NEXMIF: variants seen among roughly 807,000 people sequenced by gnomAD.
NEXMIF encodes the protein neurite extension and migration factor, also known as XLMR protein related to neurite extension.
In NEXMIF, 8 loss-of-function variants were observed where a neutral mutation model predicts 62.1. The observed-to-expected ratio is 0.13, with a 90% CI of 0.08 to 0.23. NEXMIF has a LOEUF of 0.23. NEXMIF is among the 10% of genes least tolerant of loss of function. The pLI is 1.00. For missense variants in NEXMIF, 976 were observed against 1,113.3 expected (o/e 0.88, Z 1.75); for synonymous variants, 404 against 416.6 (o/e 0.97, Z 0.37).
At chrX:74,828,447 C>A (rs1260077102) in intron 1 of NEXMIF, among the ~76,000 whole-genome samples, 1 of 111,484 alleles carries the variant, frequency 9.0e-6, no homozygotes, top group Non-Finnish European at 1.9e-5. Context: ...ATATAATTAA[C>A]CATAAAATTG....
chrX:74,763,301 C>T (rs747784136), intron 1 of NEXMIF, among the ~76,000 whole-genome samples: 3 of 111,138 alleles, frequency 2.7e-5, no homozygotes, highest in Admixed American at 9.6e-5. Context: ...ATTTCTGAGG[C>T]CTCTGTTCTG....
At chrX:74,858,628 A>G (rs201521382) in intron 1 of NEXMIF, among the ~76,000 whole-genome samples, 2 of 111,515 alleles carry the variant, frequency 1.8e-5, no homozygotes, top group East Asian at 5.7e-4. Context: ...ATGAATGTCC[A>G]CAAGCTTAAA....
intron 1 of NEXMIF, among the ~76,000 whole-genome samples, chrX:74,884,688 A>T (rs1179547949): frequency 9.0e-6 from 1 of 111,443 alleles, no homozygotes; most frequent in African/African-American, 3.3e-5. Flanking sequence ...CTCCCACACA[A>T]TAATAATGGG....
intron 1 of NEXMIF, among the ~76,000 whole-genome samples, chrX:74,876,047 T>C (rs1445173760): frequency 9.0e-6 from 1 of 111,461 alleles, no homozygotes; most frequent in Non-Finnish European, 1.9e-5. Context: ...CTTTTGAATG[T>C]GTTTGCTCTT....
chrX:74,889,574 G>A (rs1178999245), intron 1 of NEXMIF, among the ~76,000 whole-genome samples: 1 of 111,315 alleles, frequency 9.0e-6, no homozygotes, highest in Non-Finnish European at 1.9e-5. Context: ...GTTTCTAAGT[G>A]GTTCATGGTT....
intron 1 of NEXMIF, among the ~76,000 whole-genome samples, chrX:74,765,121 T>C (rs1267902115): frequency 8.9e-6 from 1 of 111,973 alleles, no homozygotes; most frequent in Non-Finnish European, 1.9e-5. Flanking sequence ...GATAGGTGCA[T>C]ATATATTTAT....
chrX:74,879,020 T>G (rs1462893347), intron 1 of NEXMIF, among the ~76,000 whole-genome samples: 2 of 111,923 alleles, frequency 1.8e-5, no homozygotes, highest in African/African-American at 6.5e-5. Context: ...TCCCTCGCAT[T>G]ATTTTTTATC....
intron 1 of NEXMIF, among the ~76,000 whole-genome samples, chrX:74,895,826 C>T (rs1246107771): frequency 5.9e-5 from 6 of 101,283 alleles, no homozygotes; most frequent in Admixed American, 5.3e-4. Flanking sequence ...GGGGCGGTGG[C>T]TACTGTGTAA....
At chrX:74,875,125 TGA>T (rs1325103500) in intron 1 of NEXMIF, among the ~76,000 whole-genome samples, 1 of 111,632 alleles carries the variant, frequency 9.0e-6, no homozygotes, top group Non-Finnish European at 1.9e-5. Context: ...ATATTGGCTG[TGA>T]GTTTGTCATA....
intron 1 of NEXMIF, among the ~76,000 whole-genome samples, chrX:74,772,202 G>A (rs893270840): frequency 2.7e-5 from 3 of 112,221 alleles, no homozygotes; most frequent in African/African-American, 6.5e-5. Flanking sequence ...TGGAGACAGA[G>A]CCGTGGAACA....
intron 1 of NEXMIF, among the ~76,000 whole-genome samples, chrX:74,809,329 C>T (rs1297017056): frequency 8.9e-6 from 1 of 111,741 alleles, no homozygotes; most frequent in Non-Finnish European, 1.9e-5. Flanking sequence ...ATTGTAGAAC[C>T]ATGTCTTGTG....
chrX:74,788,475 C>T (rs2080267508), intron 1 of NEXMIF, among the ~76,000 whole-genome samples: 2 of 110,964 alleles, frequency 1.8e-5, no homozygotes, highest in Admixed American at 1.9e-4. Flanking sequence ...AGGTATTATC[C>T]TTATTTTAAA....
intron 1 of NEXMIF, among the ~76,000 whole-genome samples, chrX:74,794,246 C>G (rs1199302557): frequency 2.8e-5 from 3 of 109,079 alleles, no homozygotes; most frequent in African/African-American, 3.3e-5. Flanking sequence ...TGTGAGGTGT[C>G]AGTCTGCCCC....
rs1556015973 is a variant in NEXMIF, at chrX:74,738,857, T to TATACAC, written c.*547_*548insGTGTAT. Reference sequence around the variant, plus strand: ...GTGTATATATATATATACATATATATACACACACACACACACACACAAACA... The same window carrying TATACAC: ...GTGTATATATATATATACATATATATATACACACACACACACACACACACACAAACA... On this transcript the variant is annotated 3_prime_UTR_variant, in exon 4 of 4. Transcript: ENST00000055682. The TATACAC allele has an allele frequency of 3.8e-5, 4 of 105,265 alleles. No individual in the cohort carries two copies. Among genetic ancestry groups the TATACAC allele is most frequent in the African/African-American group, 1.4e-4 (4 of 28,949 alleles). 8.7% of individuals were successfully genotyped at this position (105,265 alleles called of 1,213,427 possible).
chrX:74,749,353 A>G (rs2080134802), intron 1 of NEXMIF, among the ~76,000 whole-genome samples: 1 of 110,655 alleles, frequency 9.0e-6, no homozygotes. Flanking sequence ...ACTCCAGTCT[A>G]TCTTCTAAAC....
intron 1 of NEXMIF, among the ~76,000 whole-genome samples, chrX:74,795,349 AG>A (rs2080303016): frequency 8.9e-6 from 1 of 112,541 alleles, no homozygotes; most frequent in Admixed American, 9.4e-5. Context: ...AGTGTTTAAA[AG>A]GAACTACTTA....
intron 1 of NEXMIF, among the ~76,000 whole-genome samples, chrX:74,857,901 A>G (rs1299259461): frequency 8.9e-6 from 1 of 112,120 alleles, no homozygotes; most frequent in African/African-American, 3.2e-5. Flanking sequence ...GTGCTGGTGG[A>G]AGCCATGGAG....
At position 74,742,838 on chromosome X, in the gene NEXMIF, A is replaced by G. The variant is rs1181187400; in HGVS notation, c.1719T>C (p.Asn573=). The G allele has an allele frequency of 8.3e-7, 1 of 1,211,032 alleles. No individual in the cohort carries two copies. ...ASETTVNLSE[N]QLNKYAKLAP... is the part of the protein sequence containing the mutation. ...CCAGCTTGGCATATTTGTTGAGCTG[A>G]TTCTCACTCAAATTCACTGTTGTCT... is the stretch of plus-strand genomic sequence containing the variant. Residue 573 remains asparagine, a synonymous_variant, in exon 3 of 4, where the codon AAT becomes AAC. Transcript: ENST00000055682.
At chrX:74,753,889 C>A (rs2147446508) in intron 1 of NEXMIF, among the ~76,000 whole-genome samples, 1 of 112,138 alleles carries the variant, frequency 8.9e-6, no homozygotes, top group Non-Finnish European at 1.9e-5. Flanking sequence ...TAATAATGAC[C>A]AGTTAAGATA....
Sources: allele counts gnomAD v4.1 joint callset (sites outside exome capture counted in the v4.1 genomes callset), GRCh38; gene constraint gnomAD v4.1.1; transcripts MANE v1.5; gene names NCBI Gene and HGNC (gene_info 2026-07-23, HGNC 2026-07-21).